CASK: variants seen among roughly 807,000 people sequenced by gnomAD.
The protein encoded by CASK is calcium/calmodulin dependent serine protein kinase, also known as peripheral plasma membrane protein CASK.
Under a neutral mutation model 82.9 loss-of-function variants are expected in CASK, and 4 were observed. The ratio of observed to expected loss-of-function variants is 0.05; its 90% CI spans 0.02 to 0.11. The LOEUF (loss-of-function observed/expected upper bound fraction) is 0.11, where lower values mean the gene tolerates loss of function less well. Among genes scored for constraint, CASK ranks in the 10% least tolerant of loss-of-function variants. The probability of loss-of-function intolerance (pLI) is 1.00; values close to 1 mark genes in which losing one functional copy is unlikely to be tolerated. For synonymous variants in CASK, 259 were observed against 253.5 expected (o/e 1.02, Z -0.20); for missense variants, 358 against 720.9 (o/e 0.50, Z 5.76).
rs895157025 is a variant in CASK at position 41,696,957 on chromosome X, T to A, written c.430-25427A>T. 17 of 338,402 alleles carry A rather than the reference T, an allele frequency of 5.0e-5. No individual in the cohort carries two copies. In the East Asian group the frequency reaches 7.4e-4, roughly 15 times the overall value. The allele number at this position is 338,402 out of a possible 1,213,427, so 27.9% of individuals were successfully genotyped here. On this transcript the variant is annotated intron_variant, in intron 5 of 26. Transcript: ENST00000378163. Reference sequence around the variant, plus strand: ...CAAGGTACTAACTTTTAAATCTGTATGTAAAATCTTTTCAAAATACATTTT... The same window carrying A: ...CAAGGTACTAACTTTTAAATCTGTAAGTAAAATCTTTTCAAAATACATTTT...
At chrX:41,736,244 C>T (rs1035517589) in intron 5 of CASK, among the ~76,000 whole-genome samples, 2 of 112,255 alleles carry the variant, frequency 1.8e-5, no homozygotes, top group African/African-American at 3.2e-5. Flanking sequence ...CCTGTAATCC[C>T]AGCACTTTGG....
Position 41,714,452 on chromosome X carries a change from C to T in CASK, c.429+24932G>A, listed in dbSNP as rs148956563. Among the ~76,000 whole-genome samples, 990 of 112,101 alleles carry T rather than the reference C, an allele frequency of 8.8e-3. 14 individuals are homozygous for T. The highest frequency in any genetic ancestry group is 0.031 in the African/African-American group (953 of 30,834). ...TGTATTATGGGGATATTGTGTCTGA[C>T]TGGGGAATGTTTCTCTTACCTTGTA... On this transcript the variant is annotated intron_variant, in intron 5 of 26. Transcript: ENST00000378163.
chrX:41,745,006 C>T (rs1602559816), intron 4 of CASK, among the ~76,000 whole-genome samples: 1 of 111,534 alleles, frequency 9.0e-6, no homozygotes. Context: ...TATAAACCCA[C>T]GTTTTCATTT....
intron 5 of CASK, chrX:41,727,161 TAAAAAAACATCAACGCACATC>T: frequency 8.3e-7 from 1 of 1,206,504 alleles, no homozygotes; most frequent in Non-Finnish European, 1.1e-6. Context: ...CAAAAATAGG[TAAAAAAACATCAACGCACATC>T]TACCTGTCAC....
chrX:41,566,353 A>T (rs934877994), intron 16 of CASK, among the ~76,000 whole-genome samples: 12 of 111,915 alleles, frequency 1.1e-4, no homozygotes, highest in South Asian at 3.8e-4. Context: ...CTCAGCCCAA[A>T]ATCTCCTTAA....
intron 2 of CASK, among the ~76,000 whole-genome samples, chrX:41,837,523 G>A (rs891113314): frequency 1.2e-4 from 13 of 111,963 alleles, no homozygotes; most frequent in Non-Finnish European, 1.9e-4. Context: ...TCCCACACCT[G>A]ACAATCACTA....
At chrX:41,597,933 G>A (rs1389723243) in intron 12 of CASK, among the ~76,000 whole-genome samples, 1 of 110,745 alleles carries the variant, frequency 9.0e-6, no homozygotes, top group Admixed American at 9.6e-5. Flanking sequence ...GAGGCTAGGT[G>A]TTTGAGACCA....
intron 12 of CASK, among the ~76,000 whole-genome samples, chrX:41,594,594 G>A (rs2065790409): frequency 8.9e-6 from 1 of 112,042 alleles, no homozygotes; most frequent in South Asian, 3.7e-4. Flanking sequence ...CCTCTTTCAT[G>A]ACTGGAGGCC....
intron 8 of CASK, among the ~76,000 whole-genome samples, chrX:41,656,069 G>A (rs1345156238): frequency 9.0e-6 from 1 of 111,545 alleles, no homozygotes; most frequent in Non-Finnish European, 1.9e-5. Flanking sequence ...GAAAATGATT[G>A]ACATTGACAA....
intron 8 of CASK, among the ~76,000 whole-genome samples, chrX:41,648,498 G>GA: frequency 9.0e-6 from 1 of 110,928 alleles, no homozygotes; most frequent in East Asian, 2.8e-4. Context: ...CTCCCCTTTT[G>GA]AAAATCCCTA....
intron 16 of CASK, among the ~76,000 whole-genome samples, chrX:41,569,114 A>G (rs1434314858): frequency 8.9e-6 from 1 of 112,338 alleles, no homozygotes; most frequent in Admixed American, 9.4e-5. Flanking sequence ...ATCTCTTACC[A>G]TTTAATTTTT....
chrX:41,698,263 G>A (rs1168400458), intron 5 of CASK, among the ~76,000 whole-genome samples: 3 of 111,987 alleles, frequency 2.7e-5, no homozygotes, highest in Admixed American at 9.5e-5. Flanking sequence ...TAGTAGGCAC[G>A]TGATTATATT....
intron 2 of CASK, among the ~76,000 whole-genome samples, 180 bp downstream of exon 2, chrX:41,852,935 T>C (rs1569468978): frequency 9.0e-6 from 1 of 111,664 alleles, no homozygotes; most frequent in Non-Finnish European, 1.9e-5. Context: ...ACCCTGTCTT[T>C]CAAATACTAT....
Position 41,642,287 on chromosome X carries a change from T to C in CASK, c.832-5626A>G, listed in dbSNP as rs2066672786. Among the ~76,000 whole-genome samples, 3 of 111,632 alleles carry C rather than the reference T, an allele frequency of 2.7e-5. No individual in the cohort carries two copies. In the South Asian group the frequency reaches 1.1e-3, roughly 42 times the overall value. Reference sequence around the variant, plus strand: ...GTAATGGGACGGCTGGGTCAAATGGTATTTCTGGTTCTAGATCCTTGAGGA... The same window carrying C: ...GTAATGGGACGGCTGGGTCAAATGGCATTTCTGGTTCTAGATCCTTGAGGA... On this transcript the variant is annotated intron_variant, in intron 8 of 26. Transcript: ENST00000378163.
intron 1 of CASK, among the ~76,000 whole-genome samples, chrX:41,861,636 CA>C (rs1480545750): frequency 7.7e-4 from 81 of 105,016 alleles, no homozygotes; most frequent in African/African-American, 2.6e-3. Context: ...AAAGAATAAA[CA>C]AGAAAAAGAT....
chrX:41,737,389 T>C lies in CASK; in HGVS notation c.429+1995A>G, dbSNP rs981009485. Among the ~76,000 whole-genome samples, 4 of 112,190 alleles carry C rather than the reference T, an allele frequency of 3.6e-5. No homozygotes were observed. The Admixed American group carries it at 3.8e-4, about 11-fold the overall frequency. ...ATTGTGAGCAAGTAAGCAGCAGTTA[T>C]TGATTGAAGTCACTATGTTTTGGCA... On this transcript the variant is annotated intron_variant, in intron 5 of 26. Transcript: ENST00000378163.
At chrX:41,702,578 G>A (rs1310059850) in intron 5 of CASK, among the ~76,000 whole-genome samples, 4 of 110,459 alleles carry the variant, frequency 3.6e-5, no homozygotes, top group Non-Finnish European at 5.7e-5. Context: ...GGCAGATCAC[G>A]AGGTCAAGAG....
chrX:41,798,960 C>T (rs1026765321), intron 2 of CASK, among the ~76,000 whole-genome samples: 6 of 112,522 alleles, frequency 5.3e-5, no homozygotes, highest in Admixed American at 4.7e-4. Context: ...CTTAATAACT[C>T]TGCTATATTG....
intron 5 of CASK, among the ~76,000 whole-genome samples, chrX:41,684,813 T>A (rs2067415454): frequency 8.9e-6 from 1 of 111,990 alleles, no homozygotes; most frequent in African/African-American, 3.2e-5. Context: ...TTATTTTTGT[T>A]ATAAAGGATA....
Sources: allele counts gnomAD v4.1 joint callset (sites outside exome capture counted in the v4.1 genomes callset), GRCh38; gene constraint gnomAD v4.1.1; transcripts MANE v1.5; gene names NCBI Gene and HGNC (gene_info 2026-07-23, HGNC 2026-07-21).